SYTL2: variants seen among roughly 807,000 people sequenced by gnomAD.
SYTL2 encodes synaptotagmin like 2, also known as synaptotagmin-like protein 2.
In SYTL2, 165 loss-of-function variants were observed where a neutral mutation model predicts 198.7. The observed-to-expected ratio is 0.83, with a 90% CI of 0.73 to 0.94. The LOEUF (loss-of-function observed/expected upper bound fraction) is 0.94. Among genes scored for constraint, SYTL2 ranks in the 40% least tolerant of loss-of-function variants. The pLI is 0.00. For missense variants in SYTL2, 2,835 were observed against 2,582.8 expected (o/e 1.10, Z -2.12); for synonymous variants, 966 against 917.7 (o/e 1.05, Z -0.95).
At chr11:85,778,293 C>T (rs1008073628) in intron 1 of SYTL2, among the ~76,000 whole-genome samples, 2 of 152,202 alleles carry the variant, frequency 1.3e-5, no homozygotes, top group Non-Finnish European at 1.5e-5. Context: ...CATCCCCTCA[C>T]CCCCCAAAGC....
At chr11:85,700,448 T>C (rs1218913395) in intron 17 of SYTL2, 67 bp downstream of exon 17, 23 of 1,287,226 alleles carry the variant, frequency 1.8e-5, no homozygotes, top group Non-Finnish European at 2.1e-5. Context: ...TGAAAACGCA[T>C]AGTAAATACT....
chr11:85,840,273 G>A, the SYTL2 span, among the ~76,000 whole-genome samples: 6 of 151,952 alleles, frequency 3.9e-5, no homozygotes, highest in African/African-American at 9.7e-5. Flanking sequence ...TCTTTGTTGC[G>A]CAAAAGCTTT....
At chr11:85,706,055 A>T (rs1370674790) in intron 15 of SYTL2, among the ~76,000 whole-genome samples, 1 of 152,196 alleles carries the variant, frequency 6.6e-6, no homozygotes, top group Non-Finnish European at 1.5e-5. Context: ...AGGCAGCATG[A>T]TGTAGTTTTG....
intron 3 of SYTL2, among the ~76,000 whole-genome samples, chr11:85,748,043 A>C (rs557776118): frequency 6.6e-6 from 1 of 152,296 alleles, no homozygotes; most frequent in Admixed American, 6.5e-5. Context: ...ATAATTCAAC[A>C]GGGCACCTAA....
At chr11:85,745,141 T>C (rs2091062876) in intron 4 of SYTL2, among the ~76,000 whole-genome samples, 1 of 152,232 alleles carries the variant, frequency 6.6e-6, no homozygotes, top group Admixed American at 6.5e-5. Flanking sequence ...GTTAAGAATA[T>C]AGACTCAGAA....
At chr11:85,806,059 G>A (rs2092954948) in intron 1 of SYTL2, among the ~76,000 whole-genome samples, 1 of 152,190 alleles carries the variant, frequency 6.6e-6, no homozygotes, top group African/African-American at 2.4e-5. Flanking sequence ...TGAGGACACT[G>A]CACCACATTT....
upstream of SYTL2, among the ~76,000 whole-genome samples, chr11:85,812,489 C>T (rs1298238833): frequency 6.6e-6 from 1 of 152,150 alleles, no homozygotes; most frequent in Admixed American, 6.6e-5. Context: ...AGCCACTGGT[C>T]TTGCCTTTGA....
At chr11:85,775,949 A>C (rs2092443971) in intron 1 of SYTL2, among the ~76,000 whole-genome samples, 1 of 152,204 alleles carries the variant, frequency 6.6e-6, no homozygotes, top group Admixed American at 6.5e-5. Flanking sequence ...TCATATTGAA[A>C]TTTAATCCCA....
At chr11:85,721,227 T>C (rs2088268098) in intron 8 of SYTL2, among the ~76,000 whole-genome samples, 1 of 152,228 alleles carries the variant, frequency 6.6e-6, no homozygotes, top group African/African-American at 2.4e-5. Context: ...CTTAGTTGTT[T>C]ACTCCTATTT....
At chr11:85,792,169 C>G (rs2092740198) in intron 1 of SYTL2, among the ~76,000 whole-genome samples, 2 of 152,026 alleles carry the variant, frequency 1.3e-5, no homozygotes, top group African/African-American at 4.8e-5. Context: ...GACTTTGAAT[C>G]ACTGAAGAGG....
the SYTL2 span, chr11:85,853,948 A>G: frequency 6.6e-6 from 1 of 152,070 alleles, no homozygotes; most frequent in South Asian, 2.1e-4. Context: ...AGGCTCAAGC[A>G]ATTCTTCGGC....
intron 1 of SYTL2, among the ~76,000 whole-genome samples, chr11:85,760,246 T>C (rs1281582308): frequency 6.6e-6 from 1 of 152,090 alleles, no homozygotes; most frequent in African/African-American, 2.4e-5. Flanking sequence ...TGCTGACCTA[T>C]AGATATAAAA....
intron 1 of SYTL2, among the ~76,000 whole-genome samples, chr11:85,777,586 T>C (rs1306854531): frequency 6.6e-6 from 1 of 151,186 alleles, no homozygotes; most frequent in African/African-American, 2.4e-5. Context: ...GAAGGGATTA[T>C]AAAACAGGCC....
chr11:85,700,697 G>GT (rs1383049745), intron 16 of SYTL2, 104 bp from the exon 17 acceptor site: 2 of 846,466 alleles, frequency 2.4e-6, no homozygotes, highest in Admixed American at 3.7e-5. Flanking sequence ...CTGGGACCAT[G>GT]TGTCACTCAT....
intron 2 of SYTL2, among the ~76,000 whole-genome samples, chr11:85,754,506 T>C (rs1364933855): frequency 6.6e-6 from 1 of 152,188 alleles, no homozygotes. Flanking sequence ...AAAATTATTT[T>C]TAATTTAATT....
chr11:85,823,266 G>A, the SYTL2 span, among the ~76,000 whole-genome samples: 16 of 152,248 alleles, frequency 1.1e-4, no homozygotes, highest in African/African-American at 3.6e-4. Flanking sequence ...ATTGATGAGT[G>A]TTTGGGAAAT....
Sources: gnomAD v4.1 joint callset for allele counts (sites outside exome capture counted in the v4.1 genomes callset) on GRCh38, gnomAD v4.1.1 for gene constraint, MANE v1.5 for transcripts, NCBI Gene and HGNC (gene_info 2026-07-23, HGNC 2026-07-21) for gene names.